ROBO2: variants seen among roughly 807,000 people sequenced by gnomAD.
ROBO2 encodes the protein roundabout guidance receptor 2, also known as roundabout homolog 2.
In ROBO2, 53 loss-of-function variants were observed where a neutral mutation model predicts 160.8. That is an observed-to-expected ratio of 0.33 (90% CI 0.26 to 0.41). ROBO2 has a LOEUF of 0.41. Among genes scored for constraint, ROBO2 ranks in the 10% least tolerant of loss-of-function variants. The pLI is 1.00. For synonymous variants in ROBO2, 664 were observed against 611.7 expected, an observed-to-expected ratio of 1.09 and a Z score of -1.26; for missense variants, 1,577 against 1,722.4, an observed-to-expected ratio of 0.92 and a Z score of 1.49.
chr3:77,303,004 A>T lies in ROBO2; in HGVS notation c.389-174410A>T, dbSNP rs200816151. On this transcript the variant is annotated intron_variant, in intron 2 of 25. Coordinates refer to ENST00000461745, the Ensembl canonical transcript of ROBO2. ...CAGCTTTGAATAGAAAAACACACTA[A>T]TATTTATTTCCTTAATATGTGCACA... 1.2e-4 allele frequency among the ~76,000 whole-genome samples: 18 copies of T among 152,284 alleles called. No individual in the cohort carries two copies. In the East Asian group the frequency reaches 2.5e-3, roughly 21 times the overall value.
intron 22 of ROBO2, chr3:77,618,146 T>A (rs1189918176): frequency 3.5e-6 from 1 of 284,092 alleles, no homozygotes; most frequent in Non-Finnish European, 6.8e-6. Flanking sequence ...TCACATCCCA[T>A]GATGTAATAA....
intron 2 of ROBO2, among the ~76,000 whole-genome samples, chr3:76,763,179 G>A (rs1380942670): frequency 1.3e-4 from 6 of 44,812 alleles, no homozygotes; most frequent in South Asian, 7.2e-4. Context: ...CGCACTAAAA[G>A]GTTTTGTCAT....
intron 2 of ROBO2, among the ~76,000 whole-genome samples, chr3:77,463,872 C>T (rs1160437272): frequency 2.0e-5 from 3 of 152,096 alleles, no homozygotes; most frequent in African/African-American, 7.2e-5. Context: ...CGTCAGCCAC[C>T]ATGCCTGTCC....
intron 2 of ROBO2, among the ~76,000 whole-genome samples, chr3:76,392,974 T>C (rs2077230424): frequency 6.6e-6 from 1 of 152,186 alleles, no homozygotes; most frequent in Non-Finnish European, 1.5e-5. Context: ...TTGGCTTCCA[T>C]GCACATTTTA....
At chr3:76,023,948 G>T (rs769720070) in intron 2 of ROBO2, among the ~76,000 whole-genome samples, 107 of 151,510 alleles carry the variant, frequency 7.1e-4, no homozygotes, top group Admixed American at 1.9e-3. Context: ...TCTCTCTGAT[G>T]CCATAACCCA....
chr3:77,201,842 G>A (rs371485875), intron 2 of ROBO2, among the ~76,000 whole-genome samples: 24 of 152,168 alleles, frequency 1.6e-4, no homozygotes, highest in East Asian at 1.5e-3. Context: ...AGTAAGAAAC[G>A]GTGAGATATA....
At chr3:77,390,836 G>GAA (rs925881333) in intron 2 of ROBO2, among the ~76,000 whole-genome samples, 2 of 152,030 alleles carry the variant, frequency 1.3e-5, no homozygotes, top group African/African-American at 4.8e-5. Flanking sequence ...GTTCTTATTG[G>GAA]AATCATTGCC....
At chr3:75,916,191 T>G (rs1003923233) in intron 1 of ROBO2, among the ~76,000 whole-genome samples, 6 of 152,208 alleles carry the variant, frequency 3.9e-5, no homozygotes, top group African/African-American at 1.4e-4. Context: ...AGCACATTAT[T>G]GTTATGCACT....
intron 2 of ROBO2, among the ~76,000 whole-genome samples, chr3:77,421,371 G>T (rs375584563): frequency 6.6e-6 from 1 of 151,996 alleles, no homozygotes; most frequent in African/African-American, 2.4e-5. Context: ...CAATCTGATC[G>T]TGTATAACAT....
intron 9 of ROBO2, among the ~76,000 whole-genome samples, chr3:77,559,765 T>A (rs562886356): frequency 6.6e-6 from 1 of 152,060 alleles, no homozygotes; most frequent in African/African-American, 2.4e-5. Context: ...TTTTGCTACA[T>A]GCACACACAT....
intron 2 of ROBO2, among the ~76,000 whole-genome samples, chr3:76,307,753 T>C (rs1470001323): frequency 6.6e-6 from 1 of 152,150 alleles, no homozygotes; most frequent in African/African-American, 2.4e-5. Flanking sequence ...CGATGTGACA[T>C]TGGCTAAGTA....
chr3:76,260,591 G>A (rs1367010127), intron 2 of ROBO2, among the ~76,000 whole-genome samples: 1 of 151,816 alleles, frequency 6.6e-6, no homozygotes, highest in Non-Finnish European at 1.5e-5. Context: ...AAATAGAATG[G>A]ATTAAAAAAC....
At chr3:76,301,695 A>G (rs1045651543) in intron 2 of ROBO2, among the ~76,000 whole-genome samples, 1 of 152,098 alleles carries the variant, frequency 6.6e-6, no homozygotes, top group Admixed American at 6.6e-5. Flanking sequence ...AGAGACTGCT[A>G]GTTTCCCCCC....
chr3:76,713,907 G>C (rs2093339607), intron 2 of ROBO2, among the ~76,000 whole-genome samples: 1 of 151,834 alleles, frequency 6.6e-6, no homozygotes, highest in African/African-American at 2.4e-5. Context: ...CATTTAATTG[G>C]ATGAAATCAG....
intron 2 of ROBO2, among the ~76,000 whole-genome samples, chr3:76,396,635 A>T (rs557322506): frequency 3.3e-5 from 5 of 152,030 alleles, no homozygotes; most frequent in African/African-American, 1.2e-4. Context: ...TCTCAGGATA[A>T]AAAATCAATG....
Position 77,487,460 on chromosome 3 carries a change from A to G in ROBO2, c.668-5784A>G, listed in dbSNP as rs148964116. On this transcript the variant is annotated intron_variant, in intron 4 of 25. Coordinates refer to ENST00000461745, the Ensembl canonical transcript of ROBO2. ...TATTTGTCTTTACTTCATAGGATGA[A>G]TTTTCTCAGGCAAGGAAAGTTCTAG... 3.4e-3 allele frequency among the ~76,000 whole-genome samples: 515 copies of G among 152,278 alleles called. 2 individuals are homozygous for G. Among genetic ancestry groups the G allele is most frequent in the African/African-American group, 0.012 (492 of 41,556 alleles).
chr3:76,610,902 T>C (rs1560231844), intron 2 of ROBO2, among the ~76,000 whole-genome samples: 1 of 152,192 alleles, frequency 6.6e-6, no homozygotes, highest in Non-Finnish European at 1.5e-5. Flanking sequence ...CCAAGAGGAA[T>C]AAGGTGCGTG....
intron 2 of ROBO2, among the ~76,000 whole-genome samples, chr3:76,161,458 A>G (rs1158720379): frequency 6.6e-6 from 1 of 152,152 alleles, no homozygotes; most frequent in Non-Finnish European, 1.5e-5. Context: ...TGACAGTACA[A>G]TATCTGAATG....
At chr3:76,567,854 G>C (rs944702466) in intron 2 of ROBO2, among the ~76,000 whole-genome samples, 1 of 128,088 alleles carries the variant, frequency 7.8e-6, no homozygotes, top group African/African-American at 3.0e-5. Flanking sequence ...TTGCTCTGTT[G>C]CCCAGGCTGG....
Sources: gnomAD v4.1 joint callset for allele counts (sites outside exome capture counted in the v4.1 genomes callset) on GRCh38, gnomAD v4.1.1 for gene constraint, MANE v1.5 for transcripts, NCBI Gene and HGNC (gene_info 2026-07-23, HGNC 2026-07-21) for gene names.